Variants in TSPAN13 observed in about 807,000 individuals in gnomAD.
TSPAN13 encodes the protein tetraspanin-13.
In TSPAN13, 18 loss-of-function variants were observed where a neutral mutation model predicts 26.9. The observed-to-expected ratio is 0.67, with a 90% CI of 0.46 to 0.99. The LOEUF is 0.99. Among genes scored for constraint, TSPAN13 ranks in the 50% least tolerant of loss-of-function variants. The probability of loss-of-function intolerance (pLI) is 0.00; values close to 1 mark genes in which losing one functional copy is unlikely to be tolerated. For missense variants in TSPAN13, 201 were observed against 249.6 expected (o/e 0.81, Z 1.31); for synonymous variants, 116 against 98.4 (o/e 1.18, Z -1.06).
intron 1 of TSPAN13, among the ~76,000 whole-genome samples, chr7:16,758,023 C>CG (rs1784500764): frequency 1.3e-5 from 2 of 151,998 alleles, no homozygotes; most frequent in African/African-American, 4.8e-5. Flanking sequence ...TTAGTAGAGA[C>CG]GGGGTTTCGC....
In TSPAN13 at chr7:16,768,971, G is replaced by T. The variant is rs1784643312; in HGVS notation, c.64-7240G>T. 2.6e-5 allele frequency among the ~76,000 whole-genome samples: 4 copies of T among 152,066 alleles called. No homozygotes were observed. In the South Asian group the frequency reaches 8.3e-4, roughly 32 times the overall value. On this transcript the variant is annotated intron_variant, in intron 1 of 5. Coordinates refer to ENST00000262067, the MANE Select transcript of TSPAN13 (RefSeq NM_014399.4). ...GGCTCACTGCAAACTCTGCCTCCTG[G>T]GTTCAAGCTATTTCTGGCTGATTTT...
intron 1 of TSPAN13, among the ~76,000 whole-genome samples, chr7:16,761,746 G>T (rs1000313912): frequency 7.3e-6 from 1 of 137,334 alleles, no homozygotes. Context: ...TGTTGCCCAG[G>T]TTGGTCTTGA....
At chr7:16,781,457 A>C (rs187015879) in intron 5 of TSPAN13, among the ~76,000 whole-genome samples, 4 of 152,322 alleles carry the variant, frequency 2.6e-5, no homozygotes, top group African/African-American at 7.2e-5. Flanking sequence ...TGCCCTCTTA[A>C]TCATGAGCAC....
At chr7:16,755,312 T>C (rs1287584561) in intron 1 of TSPAN13, among the ~76,000 whole-genome samples, 2 of 152,176 alleles carry the variant, frequency 1.3e-5, no homozygotes, top group Non-Finnish European at 2.9e-5. Context: ...GACTGCAAGC[T>C]TTGAAGGCAA....
Position 16,781,732 on chromosome 7 carries a change from T to C in TSPAN13, c.541-1685T>C, listed in dbSNP as rs142673358. 2.6e-3 allele frequency among the ~76,000 whole-genome samples: 389 copies of C among 152,302 alleles called. 1 individual carries two copies. The highest frequency in any genetic ancestry group is 8.9e-3 in the African/African-American group (368 of 41,546). On this transcript the variant is annotated intron_variant, in intron 5 of 5. Transcript: ENST00000262067. ...TATCCAGGGGTGATAGTCAAAATGT[T>C]AACATCCTCAAAAATTCTGACCAGA... is the stretch of plus-strand genomic sequence containing the variant.
At chr7:16,775,946 T>C (rs919535798) in intron 1 of TSPAN13, 1 of 356,080 alleles carries the variant, frequency 2.8e-6, no homozygotes, top group Non-Finnish European at 5.0e-6. Context: ...ACAGATGACT[T>C]CTGAGGCTCT....
At chr7:16,777,581 C>A (rs985393109) in intron 3 of TSPAN13, among the ~76,000 whole-genome samples, 7 of 152,002 alleles carry the variant, frequency 4.6e-5, no homozygotes, top group Admixed American at 1.3e-4. Flanking sequence ...CATGTAAATT[C>A]TTTTAAATGC....
At chr7:16,778,423 A>G (rs1423137562) in intron 4 of TSPAN13, among the ~76,000 whole-genome samples, 1 of 152,236 alleles carries the variant, frequency 6.6e-6, no homozygotes, top group Non-Finnish European at 1.5e-5. Context: ...ATTATCTCAC[A>G]GTTTCCCTGG....
chr7:16,759,823 G>A (rs1308752394), intron 1 of TSPAN13, among the ~76,000 whole-genome samples: 2 of 151,694 alleles, frequency 1.3e-5, no homozygotes, highest in African/African-American at 4.8e-5. Flanking sequence ...CTAGTAGCTG[G>A]GACTACAGGC....
intron 1 of TSPAN13, chr7:16,775,800 C>T (rs1366430374): frequency 6.5e-6 from 1 of 154,598 alleles, no homozygotes; most frequent in African/African-American, 2.4e-5. Flanking sequence ...AATTACAGTG[C>T]ATTTGGGCTT....
rs1307430371 is a variant in TSPAN13 at position 16,784,148 on chromosome 7, AT to A, written c.*658del. On this transcript the variant is annotated 3_prime_UTR_variant, in exon 6 of 6. Transcript: ENST00000262067. ...GTGGTTTCATGAAATGTTCTAATGTATAATAACATTTACCTTCAGCCTCCAT... is the reference window on the plus strand; with the variant it reads ...GTGGTTTCATGAAATGTTCTAATGTAAATAACATTTACCTTCAGCCTCCAT... 2 of 152,622 alleles carry A rather than the reference AT, an allele frequency of 1.3e-5. No individual in the cohort carries two copies. The highest frequency in any genetic ancestry group is 2.9e-5 in the Non-Finnish European group (2 of 68,018). The allele number at this position is 152,622 out of a possible 1,614,324, so 9.5% of individuals were successfully genotyped here. A position where few individuals can be genotyped will look rare whatever the true frequency, so the allele number is the denominator to read the frequency against.
At chr7:16,754,070 T>C (rs1399718294) in intron 1 of TSPAN13, 40 bp downstream of exon 1, 5 of 1,599,160 alleles carry the variant, frequency 3.1e-6, no homozygotes, top group Non-Finnish European at 2.6e-6. Context: ...TTGGGGGCTT[T>C]GCACCTGCTT....
At position 16,759,009 on chromosome 7, in the gene TSPAN13, G is replaced by C. The variant is rs557185333; in HGVS notation, c.63+4979G>C. Among the ~76,000 whole-genome samples, 7 of 152,262 alleles carry C rather than the reference G, an allele frequency of 4.6e-5. No homozygotes were observed. The East Asian group carries it at 1.4e-3, about 29-fold the overall frequency. ...CTTCATGGAGTTTATATTTATGGGG[G>C]TGGACAGATGATAAATAAGTAAGTA... is the stretch of plus-strand genomic sequence containing the variant. On this transcript the variant is annotated intron_variant, in intron 1 of 5. Coordinates refer to ENST00000262067, the MANE Select transcript of TSPAN13 (RefSeq NM_014399.4).
chr7:16,781,466 A>T (rs1162039671), intron 5 of TSPAN13, among the ~76,000 whole-genome samples: 2 of 152,202 alleles, frequency 1.3e-5, no homozygotes, highest in Non-Finnish European at 2.9e-5. Context: ...AATCATGAGC[A>T]CTTTTGTAAG....
At chr7:16,776,422 T>G in intron 2 of TSPAN13, 44 bp downstream of exon 2, 1 of 1,577,860 alleles carries the variant, frequency 6.3e-7, no homozygotes, top group Non-Finnish European at 8.7e-7. Context: ...ATGACTATTT[T>G]GATGGTTACA....
At chr7:16,755,478 T>C (rs1306915874) in intron 1 of TSPAN13, among the ~76,000 whole-genome samples, 1 of 151,706 alleles carries the variant, frequency 6.6e-6, no homozygotes, top group Non-Finnish European at 1.5e-5. Context: ...TTCATCTGTA[T>C]CACCCTGAGG....
intron 5 of TSPAN13, among the ~76,000 whole-genome samples, chr7:16,783,178 G>A (rs1025781682): frequency 6.6e-6 from 1 of 152,082 alleles, no homozygotes; most frequent in Non-Finnish European, 1.5e-5. Context: ...GGTCGTAGGG[G>A]TTAGGACATG....
intron 1 of TSPAN13, among the ~76,000 whole-genome samples, chr7:16,765,813 A>C (rs1237183840): frequency 6.6e-6 from 1 of 152,224 alleles, no homozygotes; most frequent in Non-Finnish European, 1.5e-5. Flanking sequence ...TTTCATAAGG[A>C]AACTGTTATT....
chr7:16,759,489 C>T (rs1333448935), intron 1 of TSPAN13, among the ~76,000 whole-genome samples: 1 of 152,064 alleles, frequency 6.6e-6, no homozygotes, highest in African/African-American at 2.4e-5. Context: ...GGGATCCACC[C>T]CTACGAATCA....
Sources: gnomAD v4.1 joint callset for allele counts (sites outside exome capture counted in the v4.1 genomes callset) on GRCh38, gnomAD v4.1.1 for gene constraint, MANE v1.5 for transcripts, NCBI Gene and HGNC (gene_info 2026-07-23, HGNC 2026-07-21) for gene names.